Variants in USP34 observed in about 807,000 individuals in gnomAD.
USP34 encodes the protein ubiquitin specific peptidase 34.
In USP34, 70 loss-of-function variants were observed where a neutral mutation model predicts 460.3. That is an observed-to-expected ratio of 0.15 (90% CI 0.13 to 0.19). USP34 has a LOEUF of 0.19. Among genes scored for constraint, USP34 ranks in the 10% least tolerant of loss-of-function variants. USP34 has a pLI of 1.00. For missense variants in USP34, 3,985 were observed against 4,236.2 expected, an observed-to-expected ratio of 0.94 and a Z score of 1.65; for synonymous variants, 1,647 against 1,405.3, an observed-to-expected ratio of 1.17 and a Z score of -3.85.
rs755360809 is a variant in USP34 at position 61,288,769 on chromosome 2, C to T, written c.4657G>A (p.Ala1553Thr). Residue 1553 changes from alanine to threonine, a missense_variant, in exon 34 of 80, where the codon GCG (alanine) becomes ACG (threonine). Coordinates refer to ENST00000398571, the MANE Select transcript of USP34 (RefSeq NM_014709.4). ...YHDVFAWSGI[A>T]ESHRKRTWPG... ...CAGGTTCTTTTCCTATGGCTTTCCGCTATACCAGACCAGGCAAAGACATCA... is the reference window on the plus strand; with the variant it reads ...CAGGTTCTTTTCCTATGGCTTTCCGTTATACCAGACCAGGCAAAGACATCA... 1.9e-6 allele frequency: 3 copies of T among 1,613,908 alleles called. No homozygotes were observed. The African/African-American group carries it at 4.0e-5, about 22-fold the overall frequency.
At chr2:61,281,289 A>G (rs753941045) in intron 37 of USP34, 47 bp from the exon 38 acceptor site, 14 of 1,581,320 alleles carry the variant, frequency 8.9e-6, no homozygotes, top group Non-Finnish European at 1.0e-5. Flanking sequence ...TAGTATTACA[A>G]AGTTAATATG....
intron 4 of USP34, 79 bp downstream of exon 4, chr2:61,395,104 T>C (rs1215763283): frequency 2.1e-6 from 3 of 1,448,642 alleles, no homozygotes; most frequent in Admixed American, 2.3e-5. Flanking sequence ...AAGACATATA[T>C]AAATAATAAA....
chr2:61,299,413 T>TGA (rs1690150167), intron 29 of USP34, among the ~76,000 whole-genome samples: 1 of 152,206 alleles, frequency 6.6e-6, no homozygotes, highest in Admixed American at 6.5e-5. Flanking sequence ...GTTAGTGGAT[T>TGA]GAATATGGCT....
At chr2:61,426,544 GA>G (rs1234838529) in intron 1 of USP34, among the ~76,000 whole-genome samples, 1 of 152,176 alleles carries the variant, frequency 6.6e-6, no homozygotes, top group Non-Finnish European at 1.5e-5. Context: ...CCTGTGGTTT[GA>G]ATGCCAGCTC....
At position 61,378,913 on chromosome 2, in the gene USP34, G is replaced by GAAAAAAAAAAAAAAAAAAAAA. The variant is rs34463913; in HGVS notation, c.1015-510_1015-490dup. ...GAGTGAGAGTCCATCTCAAAAAAAC[G>GAAAAAAAAAAAAAAAAAAAAA]AAAAAAAAAAAAAAAAAAAAAAAAC... On this transcript the variant is annotated intron_variant, in intron 7 of 79. Transcript: ENST00000398571. Among the ~76,000 whole-genome samples, 7 of 57,870 alleles carry GAAAAAAAAAAAAAAAAAAAAA rather than the reference G, an allele frequency of 1.2e-4. 1 individual carries two copies. The highest frequency in any genetic ancestry group is 1.5e-4 in the African/African-American group (2 of 13,748). The allele number at this position is 57,870 out of a possible 152,430, so 38.0% of individuals were successfully genotyped here.
rs541193080 is a variant in USP34, at chr2:61,367,858, A to C, written c.1251+2463T>G. 5.4e-3 allele frequency among the ~76,000 whole-genome samples: 715 copies of C among 133,504 alleles called. 2 individuals carry two copies. The highest frequency in any genetic ancestry group is 7.5e-3 in the Non-Finnish European group (437 of 58,180). 87.6% of individuals were successfully genotyped at this position (133,504 alleles called of 152,430 possible). A position where few individuals can be genotyped will look rare whatever the true frequency, so the allele number is the denominator to read the frequency against. On this transcript the variant is annotated intron_variant, in intron 10 of 79. Coordinates refer to ENST00000398571, the MANE Select transcript of USP34 (RefSeq NM_014709.4). The stretch of plus-strand genomic sequence containing the variant: ...TCAGTTCTCAAATTAATCATCATTA[A>C]CACAATGAAAATATTTTACCCCAAT...
chr2:61,301,346 ATATG>A lies in USP34; in HGVS notation c.3918+4_3918+7del. ...CATTAAAACTCAAACCACGTTTTAT[ATATG>A]TACCTGCATATCCTTAAAACCAAGC... On this transcript the variant is annotated splice_donor_5th_base_variant and intron_variant, in intron 28 of 79. Transcript: ENST00000398571. 6.2e-6 allele frequency: 10 copies of A among 1,611,930 alleles called. No homozygotes were observed. The highest frequency in any genetic ancestry group is 8.5e-6 in the Non-Finnish European group (10 of 1,179,072).
chr2:61,412,920 G>C (rs907922820), intron 2 of USP34, among the ~76,000 whole-genome samples: 4 of 147,102 alleles, frequency 2.7e-5, no homozygotes, highest in African/African-American at 9.9e-5. Context: ...AATATGAAAA[G>C]GAAGTAATCA....
intron 2 of USP34, among the ~76,000 whole-genome samples, chr2:61,407,578 A>C (rs950793780): frequency 3.9e-5 from 6 of 152,214 alleles, no homozygotes; most frequent in African/African-American, 1.4e-4. Context: ...TCCAAGTGTG[A>C]ATTTGAAGTA....
intron 29 of USP34, 124 bp downstream of exon 29, chr2:61,300,827 A>AT (rs1165258214): frequency 1.5e-6 from 1 of 687,388 alleles, no homozygotes; most frequent in African/African-American, 1.9e-5. Flanking sequence ...AATGAACAAA[A>AT]AAAAAAAAGG....
At chr2:61,401,849 C>T (rs1244709586) in intron 3 of USP34, among the ~76,000 whole-genome samples, 8 of 151,266 alleles carry the variant, frequency 5.3e-5, no homozygotes, top group South Asian at 2.1e-4. Context: ...TGAGCCACCG[C>T]GCCCGGCCCA....
At chr2:61,410,091 A>C (rs1309679105) in intron 2 of USP34, among the ~76,000 whole-genome samples, 1 of 152,194 alleles carries the variant, frequency 6.6e-6, no homozygotes, top group African/African-American at 2.4e-5. Flanking sequence ...CAATTTCTCC[A>C]AGGACCCAGA....
chr2:61,449,109 A>G (rs1483810636), intron 1 of USP34, among the ~76,000 whole-genome samples: 1 of 151,980 alleles, frequency 6.6e-6, no homozygotes, highest in African/African-American at 2.4e-5. Context: ...GTGAGCCAAG[A>G]TCGTGCCACT....
chr2:61,319,772 G>A (rs1690858396), intron 21 of USP34, among the ~76,000 whole-genome samples: 1 of 152,110 alleles, frequency 6.6e-6, no homozygotes, highest in African/African-American at 2.4e-5. Flanking sequence ...TTGAACCTGG[G>A]AGGTGAAGGT....
intron 3 of USP34, among the ~76,000 whole-genome samples, chr2:61,405,111 T>G (rs1202148591): frequency 6.6e-6 from 1 of 151,042 alleles, no homozygotes; most frequent in African/African-American, 2.4e-5. Flanking sequence ...CAGGCACCTG[T>G]AATCCCAACT....
At chr2:61,361,569 T>C (rs1692276843) in intron 10 of USP34, among the ~76,000 whole-genome samples, 1 of 152,064 alleles carries the variant, frequency 6.6e-6, no homozygotes, top group Non-Finnish European at 1.5e-5. Context: ...GAAAGGACAG[T>C]CTCTTCAACA....
intron 8 of USP34, among the ~76,000 whole-genome samples, chr2:61,371,715 ATCT>A (rs1464404978): frequency 6.6e-6 from 1 of 152,174 alleles, no homozygotes; most frequent in African/African-American, 2.4e-5. Context: ...AGGCCTTCAC[ATCT>A]TCTCAGCGAT....
chr2:61,204,704 A>T, intron 72 of USP34, 103 bp from the exon 73 acceptor site: 1 of 876,198 alleles, frequency 1.1e-6, no homozygotes, highest in Non-Finnish European at 1.8e-6. Context: ...CAACCAGTTT[A>T]ATGAGTCTAA....
At chr2:61,381,526 G>C (rs1435383529) in intron 6 of USP34, among the ~76,000 whole-genome samples, 2 of 152,022 alleles carry the variant, frequency 1.3e-5, no homozygotes, top group South Asian at 4.1e-4. Context: ...CACAGAGATG[G>C]AGTCTCGCTA....
Sources: allele counts gnomAD v4.1 joint callset (sites outside exome capture counted in the v4.1 genomes callset), GRCh38; gene constraint gnomAD v4.1.1; transcripts MANE v1.5; gene names NCBI Gene and HGNC (gene_info 2026-07-23, HGNC 2026-07-21).